The following DOP1B variants were observed in gnomAD, a reference collection of about 807,000 sequenced individuals.
DOP1B encodes the protein protein DOP1B.
Under a neutral mutation model 233.5 loss-of-function variants are expected in DOP1B, and 174 were observed. That is an observed-to-expected ratio of 0.75 (90% CI 0.66 to 0.85). The LOEUF is 0.85. Among genes scored for constraint, DOP1B ranks in the 40% least tolerant of loss-of-function variants. The probability of loss-of-function intolerance (pLI) is 0.00; values close to 1 mark genes in which losing one functional copy is unlikely to be tolerated. For synonymous variants in DOP1B, 1,190 were observed against 1,185.6 expected (o/e 1.00, Z -0.08); for missense variants, 2,652 against 2,846.6 (o/e 0.93, Z 1.56).
intron 24 of DOP1B, chr21:36,261,117 C>T: frequency 3.0e-6 from 3 of 995,364 alleles, no homozygotes; most frequent in Non-Finnish European, 3.6e-6. Context: ...GCAATCCCAG[C>T]ACTTTGGGAG....
intron 18 of DOP1B, among the ~76,000 whole-genome samples, chr21:36,241,437 GA>G (rs1475221502): frequency 6.7e-6 from 1 of 149,490 alleles, no homozygotes; most frequent in Non-Finnish European, 1.5e-5. Context: ...AAGGGTGAAG[GA>G]AAAAAAGGAC....
rs2146244421 is a variant in DOP1B at position 36,278,024 on chromosome 21, A to G, written c.5762A>G (p.Lys1921Arg). The change falls in exon 29 of 37, where the codon AAA becomes AGA. Residue 1921 changes from lysine (K) to arginine (R), a missense_variant. Physicochemically the swap from Lys to Arg is conservative, Grantham distance 26 (BLOSUM62 2). This residue lies in a region of DOP1B where 2,617 missense variants were observed against 2,794.3 expected (regional missense o/e 0.94). Transcript: ENST00000691173. Reference sequence around the variant, plus strand: ...GTTTATCGAAGTGATGAGAAGGAGAAAGCTGTGCCGTTAATCTCCCGTCTG... The same window carrying G: ...GTTTATCGAAGTGATGAGAAGGAGAGAGCTGTGCCGTTAATCTCCCGTCTG... The part of the protein sequence containing the change: ...DMVYRSDEKE[K>R]AVPLISRLLY... 2 of 1,614,172 alleles carry G rather than the reference A, an allele frequency of 1.2e-6. No homozygotes were observed. The highest frequency in any genetic ancestry group is 2.2e-5 in the South Asian group (2 of 91,076).
chr21:36,273,766 G>A (rs1047520467), intron 27 of DOP1B, among the ~76,000 whole-genome samples: 2 of 152,088 alleles, frequency 1.3e-5, no homozygotes, highest in Non-Finnish European at 2.9e-5. Flanking sequence ...ACTGATGGTT[G>A]TCGGGCTTGG....
chr21:36,160,592 C>A lies in DOP1B; in HGVS notation c.-27+3649C>A, dbSNP rs1176784407. On this transcript the variant is annotated intron_variant, in intron 1 of 36. Coordinates refer to ENST00000691173, the MANE Select transcript of DOP1B (RefSeq NM_001320714.2). The stretch of plus-strand genomic sequence containing the variant: ...TCCCAGGTTCAAACTATTCTCCTGC[C>A]TCAGCCTCCCGAGTAGCTGGGATCA... 2.0e-5 allele frequency among the ~76,000 whole-genome samples: 3 copies of A among 152,036 alleles called. No homozygotes were observed. The East Asian group carries it at 5.8e-4, about 29-fold the overall frequency.
chr21:36,201,457 C>T (rs1027844065), intron 4 of DOP1B, among the ~76,000 whole-genome samples: 1 of 145,574 alleles, frequency 6.9e-6, no homozygotes, highest in Non-Finnish European at 1.5e-5. Context: ...AAGTGATTCT[C>T]CCGCCGCAGC....
chr21:36,164,590 C>T (rs917870346), intron 1 of DOP1B, 118 bp from the exon 2 acceptor site: 2 of 693,816 alleles, frequency 2.9e-6, no homozygotes, highest in African/African-American at 1.9e-5. Context: ...AACAGGATTG[C>T]CCAGTGAGTT....
At chr21:36,190,185 C>T (rs1369063162) in intron 2 of DOP1B, among the ~76,000 whole-genome samples, 2 of 151,262 alleles carry the variant, frequency 1.3e-5, no homozygotes, top group East Asian at 2.0e-4. Flanking sequence ...ATTAGCCAGG[C>T]ATGGTGGCAC....
intron 32 of DOP1B, among the ~76,000 whole-genome samples, chr21:36,286,185 G>A (rs1322203688): frequency 1.3e-5 from 2 of 152,118 alleles, no homozygotes; most frequent in Admixed American, 6.6e-5. Context: ...GTCTTTGGGG[G>A]CTGGGAAGAT....
At chr21:36,266,624 A>G (rs2067233361) in intron 26 of DOP1B, among the ~76,000 whole-genome samples, 1 of 152,176 alleles carries the variant, frequency 6.6e-6, no homozygotes, top group Non-Finnish European at 1.5e-5. Context: ...GCTCATCCGA[A>G]CCCAGTTACT....
chr21:36,291,829 G>A (rs969659818), intron 35 of DOP1B, among the ~76,000 whole-genome samples: 36 of 152,246 alleles, frequency 2.4e-4, no homozygotes, highest in African/African-American at 8.4e-4. Flanking sequence ...GAATGTCCAC[G>A]ATGAGACAGA....
Position 36,248,403 on chromosome 21 carries a change from C to G in DOP1B, c.4833C>G (p.Ala1611=). ...NKKTMAAGDP[A]NLRNARNAIL... Reference sequence around the variant, plus strand: ...AGACCATGGCTGCAGGTGATCCTGCCAACTTGAGGAATGCCAGAAATGCCA... The same window carrying G: ...AGACCATGGCTGCAGGTGATCCTGCGAACTTGAGGAATGCCAGAAATGCCA... Residue 1611 remains alanine (A), a synonymous_variant, in exon 21 of 37, where the codon GCC becomes GCG. Transcript: ENST00000691173. The G allele has an allele frequency of 6.2e-7, 1 of 1,613,746 alleles. No homozygotes were observed. Among genetic ancestry groups the G allele is most frequent in the Non-Finnish European group, 8.5e-7 (1 of 1,179,848 alleles).
intron 1 of DOP1B, among the ~76,000 whole-genome samples, chr21:36,161,979 A>C (rs1428739361): frequency 2.6e-5 from 4 of 152,200 alleles, no homozygotes; most frequent in Non-Finnish European, 5.9e-5. Context: ...TGGATAGACC[A>C]TATTTTGTGG....
Position 36,219,421 on chromosome 21 carries a change from T to C in DOP1B, c.1179T>C (p.Tyr393=), listed in dbSNP as rs1200545698. The C allele has an allele frequency of 1.2e-6, 2 of 1,614,100 alleles. No individual in the cohort carries two copies. The highest frequency in any genetic ancestry group is 1.7e-6 in the Non-Finnish European group (2 of 1,180,048). The change falls in exon 10 of 37, where the codon TAT becomes TAC. Residue 393 remains tyrosine (Y), a synonymous_variant. Coordinates refer to ENST00000691173, the MANE Select transcript of DOP1B (RefSeq NM_001320714.2). Reference sequence around the variant, plus strand: ...TTCTCGAAGTCATCAGGGCCTTTTATTCTTACTGCAGAGATGCCCTTGGCT... The same window carrying C: ...TTCTCGAAGTCATCAGGGCCTTTTACTCTTACTGCAGAGATGCCCTTGGCT... ...NLFLEVIRAF[Y]SYCRDALGSD...
Position 36,261,421 on chromosome 21 carries a change from C to T in DOP1B, c.5315+689C>T, listed in dbSNP as rs564933762. On this transcript the variant is annotated intron_variant, in intron 24 of 36. Coordinates refer to ENST00000691173, the MANE Select transcript of DOP1B (RefSeq NM_001320714.2). The stretch of plus-strand genomic sequence containing the variant: ...TGTTTCTGGTGGCGTTCTCAGTGTG[C>T]CTTCCCATGTTTTATGTGGAGAGGT... 7.3e-5 allele frequency: 72 copies of T among 989,544 alleles called. No individual in the cohort carries two copies. The East Asian group carries it at 5.4e-3, about 74-fold the overall frequency. 61.3% of individuals were successfully genotyped at this position (989,544 alleles called of 1,614,324 possible).
At chr21:36,160,603 G>A (rs373145889) in intron 1 of DOP1B, among the ~76,000 whole-genome samples, 3 of 149,520 alleles carry the variant, frequency 2.0e-5, no homozygotes, top group East Asian at 2.0e-4. Flanking sequence ...TCAGCCTCCC[G>A]AGTAGCTGGG....
intron 2 of DOP1B, among the ~76,000 whole-genome samples, chr21:36,196,374 G>T (rs886700618): frequency 1.3e-5 from 2 of 152,144 alleles, no homozygotes; most frequent in Non-Finnish European, 2.9e-5. Context: ...GATGTTGGCT[G>T]CCTGACCGTT....
At chr21:36,235,697 C>T (rs1057074631) in intron 15 of DOP1B, among the ~76,000 whole-genome samples, 7 of 152,098 alleles carry the variant, frequency 4.6e-5, no homozygotes, top group African/African-American at 1.7e-4. Flanking sequence ...CACTGCACTC[C>T]AGCCTGGGGC....
intron 32 of DOP1B, among the ~76,000 whole-genome samples, chr21:36,282,103 T>C (rs2067423952): frequency 6.6e-6 from 1 of 152,130 alleles, no homozygotes. Flanking sequence ...AGAAGTATAT[T>C]GGTAAATCTG....
At chr21:36,254,038 T>A (rs2067064176) in intron 23 of DOP1B, 129 bp downstream of exon 23, 1 of 1,239,498 alleles carries the variant, frequency 8.1e-7, no homozygotes, top group African/African-American at 1.5e-5. Context: ...ATGCTTGGGG[T>A]AGTGAAGTGG....
Sources: allele counts gnomAD v4.1 joint callset (sites outside exome capture counted in the v4.1 genomes callset), GRCh38; gene constraint gnomAD v4.1.1; regional missense constraint gnomAD v4.1.1; transcripts MANE v1.5; gene names NCBI Gene and HGNC (gene_info 2026-07-23, HGNC 2026-07-21).